Variants in DCLK1 observed in about 807,000 individuals in gnomAD.
DCLK1 encodes the protein serine/threonine-protein kinase DCLK1.
DCLK1 carries 16 observed loss-of-function variants against 86.2 expected under a neutral mutation model. The ratio of observed to expected loss-of-function variants is 0.19; its 90% CI spans 0.13 to 0.28. DCLK1 has a LOEUF of 0.28. Ranked by LOEUF, DCLK1 falls within the 10% of genes least tolerant of loss-of-function variation. DCLK1 has a pLI of 1.00. For missense variants in DCLK1, 590 were observed against 940.2 expected, an observed-to-expected ratio of 0.63 and a Z score of 4.87; for synonymous variants, 369 against 370.5, an observed-to-expected ratio of 1.00 and a Z score of 0.05.
At chr13:36,077,853 G>A (rs904056802) in intron 3 of DCLK1, among the ~76,000 whole-genome samples, 26 of 152,108 alleles carry the variant, frequency 1.7e-4, no homozygotes. Context: ...CTGATGTCGG[G>A]GACATACATG....
At chr13:35,904,371 T>C (rs1874561380) in intron 4 of DCLK1, among the ~76,000 whole-genome samples, 1 of 152,194 alleles carries the variant, frequency 6.6e-6, no homozygotes, top group Admixed American at 6.5e-5. Flanking sequence ...TTTGTATTTT[T>C]AGTAGAGACG....
At chr13:36,038,308 C>G (rs918495161) in intron 3 of DCLK1, among the ~76,000 whole-genome samples, 8 of 152,104 alleles carry the variant, frequency 5.3e-5, no homozygotes, top group Admixed American at 5.2e-4. Flanking sequence ...TTTTAAGGCC[C>G]GGAGATGGTT....
At chr13:35,987,728 G>A (rs1157037931) in intron 3 of DCLK1, among the ~76,000 whole-genome samples, 2 of 152,142 alleles carry the variant, frequency 1.3e-5, no homozygotes, top group Non-Finnish European at 2.9e-5. Flanking sequence ...TGAGTAACGC[G>A]GCCACAGTGG....
intron 3 of DCLK1, among the ~76,000 whole-genome samples, chr13:35,992,110 A>G (rs1410010993): frequency 6.6e-6 from 1 of 152,216 alleles, no homozygotes; most frequent in Admixed American, 6.6e-5. Context: ...TTGATCTATA[A>G]TGAAATCATA....
intron 12 of DCLK1, among the ~76,000 whole-genome samples, chr13:35,810,631 C>A (rs562878270): frequency 6.6e-6 from 1 of 152,248 alleles, no homozygotes; most frequent in Non-Finnish European, 1.5e-5. Context: ...CTTAAGATTG[C>A]AGTAATTGAC....
intron 8 of DCLK1, among the ~76,000 whole-genome samples, chr13:35,832,450 C>G (rs1302852390): frequency 3.9e-5 from 6 of 152,244 alleles, no homozygotes; most frequent in Non-Finnish European, 8.8e-5. Context: ...ATTCCTCTCC[C>G]ATAGCATTCA....
chr13:35,934,620 A>G (rs1007845290), intron 4 of DCLK1, among the ~76,000 whole-genome samples: 1 of 152,192 alleles, frequency 6.6e-6, no homozygotes, highest in East Asian at 1.9e-4. Context: ...CGATTCAATT[A>G]TCTCTCACTG....
chr13:36,119,123 A>C (rs986399469), intron 2 of DCLK1, among the ~76,000 whole-genome samples: 6 of 152,212 alleles, frequency 3.9e-5, no homozygotes, highest in Non-Finnish European at 8.8e-5. Flanking sequence ...ATTCTGGAAA[A>C]TGGAAAAGAA....
intron 3 of DCLK1, among the ~76,000 whole-genome samples, chr13:36,020,425 A>G (rs1459707195): frequency 6.6e-6 from 1 of 152,194 alleles, no homozygotes; most frequent in Non-Finnish European, 1.5e-5. Flanking sequence ...AGAAGTCTGG[A>G]AATGAACCAA....
intron 3 of DCLK1, among the ~76,000 whole-genome samples, chr13:35,976,367 G>C (rs1879329874): frequency 6.6e-6 from 1 of 151,860 alleles, no homozygotes; most frequent in Non-Finnish European, 1.5e-5. Flanking sequence ...GCCGAGGCTG[G>C]CACAGTGCTC....
intron 11 of DCLK1, 49 bp downstream of exon 11, chr13:35,822,680 T>G (rs1235168044): frequency 6.2e-7 from 1 of 1,609,936 alleles, no homozygotes; most frequent in Non-Finnish European, 8.5e-7. Context: ...TCATATTCCT[T>G]CATGAGTGCT....
intron 4 of DCLK1, among the ~76,000 whole-genome samples, chr13:35,905,478 A>T (rs1339169341): frequency 6.6e-6 from 1 of 152,200 alleles, no homozygotes; most frequent in Admixed American, 6.5e-5. Context: ...CACTTCCACA[A>T]GGTCAAAGCC....
chr13:36,081,203 A>G (rs1884408431), intron 3 of DCLK1, among the ~76,000 whole-genome samples: 1 of 152,234 alleles, frequency 6.6e-6, no homozygotes, highest in African/African-American at 2.4e-5. Flanking sequence ...AATAATTATT[A>G]ACATAATGAA....
chr13:35,871,568 C>T (rs1872275601), intron 4 of DCLK1, among the ~76,000 whole-genome samples: 1 of 152,162 alleles, frequency 6.6e-6, no homozygotes, highest in Admixed American at 6.5e-5. Context: ...CCCTAGGTTA[C>T]ACTCCTTACA....
intron 3 of DCLK1, among the ~76,000 whole-genome samples, chr13:36,027,519 T>C (rs1284307427): frequency 3.3e-5 from 5 of 152,192 alleles, no homozygotes; most frequent in Admixed American, 3.3e-4. Context: ...TTACAGAGCT[T>C]TGGTGAGTGA....
chr13:35,803,528 T>A (rs969732646), intron 15 of DCLK1, among the ~76,000 whole-genome samples: 4 of 152,200 alleles, frequency 2.6e-5, no homozygotes, highest in African/African-American at 9.6e-5. Flanking sequence ...TCTCCTGTTA[T>A]TTGTATATAA....
rs770231294 is a variant in DCLK1 at position 36,074,338 on chromosome 13, T to TA, written c.723+37530dup. The stretch of plus-strand genomic sequence containing the variant: ...TAACACAGTGAAACCCCATCTCTAC[T>TA]AAAAATACAAAAAATTAGCAGGGCG... On this transcript the variant is annotated intron_variant, in intron 3 of 16. Coordinates refer to ENST00000360631, the MANE Select transcript of DCLK1 (RefSeq NM_001330071.2). Among the ~76,000 whole-genome samples the TA allele has an allele frequency of 4.0e-5, 6 of 151,484 alleles. No individual in the cohort carries two copies. The East Asian group carries it at 1.2e-3, about 30-fold the overall frequency.
intron 3 of DCLK1, among the ~76,000 whole-genome samples, chr13:36,093,643 A>G (rs1323079761): frequency 6.6e-6 from 1 of 152,110 alleles, no homozygotes; most frequent in African/African-American, 2.4e-5. Flanking sequence ...CCTGACTACA[A>G]TCCATGTCCC....
intron 4 of DCLK1, among the ~76,000 whole-genome samples, chr13:35,928,739 C>A (rs1415199048): frequency 1.3e-5 from 2 of 152,158 alleles, no homozygotes; most frequent in Non-Finnish European, 2.9e-5. Context: ...TTGAATCTTG[C>A]CAAATCTATA....
Sources: allele counts gnomAD v4.1 joint callset (sites outside exome capture counted in the v4.1 genomes callset), GRCh38; gene constraint gnomAD v4.1.1; transcripts MANE v1.5; gene names NCBI Gene and HGNC (gene_info 2026-07-23, HGNC 2026-07-21).